STAG1: variants seen among roughly 807,000 people sequenced by gnomAD.
STAG1 encodes the protein STAG1 cohesin complex component.
A neutral mutation model predicts 170.9 loss-of-function variants in STAG1; 26 were observed. The observed-to-expected ratio is 0.15, with a 90% CI of 0.11 to 0.21. The LOEUF is 0.21. Ranked by LOEUF, STAG1 falls within the 10% of genes least tolerant of loss-of-function variation. STAG1 has a pLI of 1.00. For missense variants in STAG1, 964 were observed against 1,509.5 expected (o/e 0.64, Z 5.99); for synonymous variants, 514 against 497.7 (o/e 1.03, Z -0.44).
intron 1 of STAG1, among the ~76,000 whole-genome samples, chr3:136,723,288 A>G (rs1443941255): frequency 6.7e-6 from 1 of 149,056 alleles, no homozygotes; most frequent in Non-Finnish European, 1.5e-5. Flanking sequence ...GGAAGTGAGG[A>G]GCGTCTCTGC....
At chr3:136,597,139 G>C (rs1938463290) in intron 4 of STAG1, among the ~76,000 whole-genome samples, 1 of 151,998 alleles carries the variant, frequency 6.6e-6, no homozygotes, top group Non-Finnish European at 1.5e-5. Flanking sequence ...GTTTATTATA[G>C]AAATTTGGGA....
intron 21 of STAG1, among the ~76,000 whole-genome samples, chr3:136,413,654 T>TTAGTAGCCTG (rs2087692796): frequency 6.6e-6 from 1 of 152,044 alleles, no homozygotes; most frequent in Non-Finnish European, 1.5e-5. Flanking sequence ...GGCAGCATTT[T>TTAGTAGCCTG]GCCATATTGG....
chr3:136,387,142 G>A (rs933355639), intron 22 of STAG1, among the ~76,000 whole-genome samples: 1 of 152,198 alleles, frequency 6.6e-6, no homozygotes, highest in Non-Finnish European at 1.5e-5. Flanking sequence ...GCCACTGGTT[G>A]GCAAACTTTT....
intron 22 of STAG1, among the ~76,000 whole-genome samples, chr3:136,391,959 C>A (rs908945186): frequency 6.6e-6 from 1 of 152,116 alleles, no homozygotes; most frequent in Non-Finnish European, 1.5e-5. Flanking sequence ...ATATAGTCTT[C>A]TCATAAACTT....
In STAG1 at chr3:136,422,813, T is replaced by C. The variant is rs2087997652; in HGVS notation, c.1788A>G (p.Pro596=). The C allele has an allele frequency of 1.2e-6, 2 of 1,609,392 alleles. No individual in the cohort carries two copies. Among genetic ancestry groups the C allele is most frequent in the South Asian group, 1.1e-5 (1 of 89,754 alleles). Residue 596 remains proline (P), a synonymous_variant, in exon 18 of 34, where the codon CCA becomes CCG. Transcript: ENST00000383202. Reference sequence around the variant, plus strand: ...TGTAGATTTCTAAATCAAAATACTGTGGGATTTGTAGCAAGTTTGCTACCT... The same window carrying C: ...TGTAGATTTCTAAATCAAAATACTGCGGGATTTGTAGCAAGTTTGCTACCT... ...AEKVANLLQI[P]QYFDLEIYST...
At chr3:136,495,911 G>A (rs1158335710) in intron 9 of STAG1, among the ~76,000 whole-genome samples, 4 of 147,244 alleles carry the variant, frequency 2.7e-5, no homozygotes, top group African/African-American at 1.0e-4. Flanking sequence ...GGAGCTTGCA[G>A]AGAGCAGAGA....
At chr3:136,749,744 CAA>C (rs895920877) in intron 1 of STAG1, among the ~76,000 whole-genome samples, 24 of 87,088 alleles carry the variant, frequency 2.8e-4, no homozygotes, top group Admixed American at 8.0e-4. Context: ...GACTCCATCT[CAA>C]AAAAAAAAAA....
At chr3:136,583,476 C>A (rs72971451) in intron 4 of STAG1, among the ~76,000 whole-genome samples, 2 of 152,088 alleles carry the variant, frequency 1.3e-5, no homozygotes, top group Admixed American at 6.6e-5. Context: ...CATAAATCAG[C>A]CTCACCTGAT....
intron 29 of STAG1, chr3:136,348,840 T>A (rs191393175): frequency 0.011 from 3,309 of 298,140 alleles, 32 homozygotes; most frequent in Non-Finnish European, 0.014. Context: ...TTTAATAGAA[T>A]AGCATTGTGA....
intron 4 of STAG1, among the ~76,000 whole-genome samples, chr3:136,597,880 G>A (rs773265834): frequency 6.6e-6 from 1 of 151,280 alleles, no homozygotes; most frequent in South Asian, 2.1e-4. Flanking sequence ...AAACTTCACC[G>A]TTATTTAAAA....
intron 6 of STAG1, among the ~76,000 whole-genome samples, chr3:136,525,038 G>T (rs1280482779): frequency 3.3e-5 from 5 of 152,132 alleles, no homozygotes; most frequent in African/African-American, 1.2e-4. Flanking sequence ...TTCATCAGGG[G>T]TATTGATCTA....
intron 12 of STAG1, among the ~76,000 whole-genome samples, chr3:136,467,132 C>G (rs112411181): frequency 4.0e-5 from 6 of 151,212 alleles, no homozygotes; most frequent in Non-Finnish European, 8.9e-5. Context: ...CATAACGTAA[C>G]GACAGGATCA....
At chr3:136,589,628 CAA>C (rs71626007) in intron 4 of STAG1, among the ~76,000 whole-genome samples, 19 of 46,176 alleles carry the variant, frequency 4.1e-4, no homozygotes, top group Non-Finnish European at 6.2e-4. Flanking sequence ...CAAAGGGAGC[CAA>C]AAAAAAAAAA....
At chr3:136,533,265 G>A (rs1435945181) in intron 6 of STAG1, among the ~76,000 whole-genome samples, 2 of 152,064 alleles carry the variant, frequency 1.3e-5, no homozygotes, top group African/African-American at 2.4e-5. Flanking sequence ...GGACACAAAC[G>A]AATGGAAAGA....
At chr3:136,692,646 A>AAT (rs1397912359) in intron 1 of STAG1, among the ~76,000 whole-genome samples, 7 of 152,256 alleles carry the variant, frequency 4.6e-5, no homozygotes, top group Admixed American at 4.6e-4. Flanking sequence ...AAAAAAAAAA[A>AAT]GTCAATTACA....
intron 1 of STAG1, among the ~76,000 whole-genome samples, chr3:136,637,030 G>A (rs1940590393): frequency 6.6e-6 from 1 of 152,142 alleles, no homozygotes; most frequent in Non-Finnish European, 1.5e-5. Context: ...AATCCACACA[G>A]ACATGGGGAA....
chr3:136,551,262 G>C (rs867803463), intron 5 of STAG1, among the ~76,000 whole-genome samples: 6 of 55,224 alleles, frequency 1.1e-4, no homozygotes, highest in African/African-American at 2.1e-4. Context: ...AGAGAGAGAG[G>C]GAGAGCGAGA....
Position 136,658,149 on chromosome 3 carries a change from C to CTGATCAT in STAG1, c.-83-27169_-83-27168insATGATCA, listed in dbSNP as rs1161978402. Among the ~76,000 whole-genome samples the CTGATCAT allele has an allele frequency of 4.4e-3, 664 of 151,062 alleles. 5 individuals are homozygous for CTGATCAT. The highest frequency in any genetic ancestry group is 0.015 in the African/African-American group (633 of 41,022). On this transcript the variant is annotated intron_variant, in intron 1 of 33. Coordinates refer to ENST00000383202, the MANE Select transcript of STAG1 (RefSeq NM_005862.3). The stretch of plus-strand genomic sequence containing the variant: ...AGGTTACACTGAGCTATGATCGTGC[C>CTGATCAT]ACTGTACTCCAGCCTAGGTGACAGA...
chr3:136,441,446 C>G (rs2088629672), intron 15 of STAG1, among the ~76,000 whole-genome samples: 1 of 152,122 alleles, frequency 6.6e-6, no homozygotes, highest in South Asian at 2.1e-4. Flanking sequence ...CTTGAAAGGT[C>G]TGAGAAAAGT....
Sources: gnomAD v4.1 joint callset for allele counts (sites outside exome capture counted in the v4.1 genomes callset) on GRCh38, gnomAD v4.1.1 for gene constraint, MANE v1.5 for transcripts, NCBI Gene and HGNC (gene_info 2026-07-23, HGNC 2026-07-21) for gene names.